NSUN7: variants seen among roughly 807,000 people sequenced by gnomAD.
The protein encoded by NSUN7 is NOP2/Sun RNA methyltransferase family member 7, also known as protein NSUN7.
NSUN7 carries 39 observed loss-of-function variants against 58.5 expected under a neutral mutation model. That is an observed-to-expected ratio of 0.67 (90% confidence interval 0.52 to 0.87). The LOEUF (loss-of-function observed/expected upper bound fraction) is 0.87, where lower values mean the gene tolerates loss of function less well. Ranked by LOEUF, NSUN7 falls within the 40% of genes least tolerant of loss-of-function variation. The probability of loss-of-function intolerance (pLI) is 0.00; values close to 1 mark genes in which losing one functional copy is unlikely to be tolerated. For synonymous variants in NSUN7, 278 were observed against 303.7 expected (o/e 0.92, Z 0.88); for missense variants, 765 against 844.1 (o/e 0.91, Z 1.16).
In NSUN7 at chr4:40,750,682, C is replaced by G; in HGVS notation, c.-12C>G. The G allele has an allele frequency of 6.2e-7, 1 of 1,610,808 alleles. No individual in the cohort carries two copies. Reference sequence around the variant, plus strand: ...CCCAGGGTGAAGGACTCACGACAGGCGAGGGGCAGACATGCTGAATTCCAC... The same window carrying G: ...CCCAGGGTGAAGGACTCACGACAGGGGAGGGGCAGACATGCTGAATTCCAC... On this transcript the variant is annotated 5_prime_UTR_variant, in exon 2 of 12. Coordinates refer to ENST00000381782, the MANE Select transcript of NSUN7 (RefSeq NM_024677.6).
At chr4:40,802,088 A>T (rs1743611917) in intron 10 of NSUN7, among the ~76,000 whole-genome samples, 1 of 152,002 alleles carries the variant, frequency 6.6e-6, no homozygotes, top group Non-Finnish European at 1.5e-5. Flanking sequence ...ATATTTAAAT[A>T]ATTGAGTTTT....
chr4:40,790,339 CTAT>C (rs1328725857), intron 7 of NSUN7, among the ~76,000 whole-genome samples: 1 of 152,150 alleles, frequency 6.6e-6, no homozygotes, highest in Non-Finnish European at 1.5e-5. Flanking sequence ...TTCTCCCCTA[CTAT>C]ATATCCTGCA....
chr4:40,790,692 G>T lies in NSUN7; in HGVS notation c.1127G>T (p.Cys376Phe). 6.2e-7 allele frequency: 1 copy of T among 1,603,372 alleles called. No homozygotes were observed. Among genetic ancestry groups the T allele is most frequent in the Non-Finnish European group, 8.5e-7 (1 of 1,175,040 alleles). ...AAAGTGATTTTGCTGCTACCTCGTTGTTCAGGACTGGGTGTTAGTAATCCA... is the reference window on the plus strand; with the variant it reads ...AAAGTGATTTTGCTGCTACCTCGTTTTTCAGGACTGGGTGTTAGTAATCCA... ...KVKVILLLPR[C>F]SGLGVSNPVE... Residue 376 changes from cysteine (C) to phenylalanine (F), a missense_variant, in exon 8 of 12, where the codon TGT (cysteine) becomes TTT (phenylalanine). Transcript: ENST00000381782.
chr4:40,763,174 G>A (rs1741540213), intron 4 of NSUN7, among the ~76,000 whole-genome samples: 1 of 152,238 alleles, frequency 6.6e-6, no homozygotes, highest in South Asian at 2.1e-4. Context: ...GCATAGTGAG[G>A]CTTGGCTGAG....
intron 7 of NSUN7, chr4:40,786,817 G>A: frequency 1.7e-6 from 2 of 1,154,872 alleles, no homozygotes; most frequent in South Asian, 3.2e-5. Flanking sequence ...CTGCCCTCCT[G>A]GATGCTATTA....
At chr4:40,792,981 C>T (rs1466280284) in intron 8 of NSUN7, among the ~76,000 whole-genome samples, 1 of 152,128 alleles carries the variant, frequency 6.6e-6, no homozygotes, top group African/African-American at 2.4e-5. Flanking sequence ...AACATTTTAA[C>T]ATCGAAAAAT....
intron 2 of NSUN7, among the ~76,000 whole-genome samples, chr4:40,760,105 A>G (rs185266698): frequency 1.8e-4 from 28 of 152,266 alleles, no homozygotes; most frequent in African/African-American, 4.8e-4. Context: ...TAAGAAAACT[A>G]TTGCTCAACA....
chr4:40,756,971 A>AT lies in NSUN7; in HGVS notation c.299-3462dup, dbSNP rs1431804530. On this transcript the variant is annotated intron_variant, in intron 2 of 11. Coordinates refer to ENST00000381782, the MANE Select transcript of NSUN7 (RefSeq NM_024677.6). ...AAGGGCCAGGCGTGGTGCCTCATGCATGTAATCCCAGCACTTTGGGAGGCC... is the reference window on the plus strand; with the variant it reads ...AAGGGCCAGGCGTGGTGCCTCATGCATTGTAATCCCAGCACTTTGGGAGGCC... Among the ~76,000 whole-genome samples the AT allele has an allele frequency of 7.2e-5, 11 of 152,266 alleles. 1 individual carries two copies.
Position 40,790,595 on chromosome 4 carries a change from TCCCCAGA to T in NSUN7, c.1037-6_1037del. 6.7e-7 allele frequency: 1 copy of T among 1,501,356 alleles called. No homozygotes were observed. The highest frequency in any genetic ancestry group is 2.0e-5 in the Admixed American group (1 of 49,640). 93.0% of individuals were successfully genotyped at this position (1,501,356 alleles called of 1,614,324 possible). Reference sequence around the variant, plus strand: ...TTTACATTAAATTTTCTGTGTTTTTTCCCCAGATATTGAAATACTTCATGAGAAATTT... The same window carrying T: ...TTTACATTAAATTTTCTGTGTTTTTTTATTGAAATACTTCATGAGAAATTT... On this transcript the variant is annotated splice_acceptor_variant and splice_polypyrimidine_tract_variant and coding_sequence_variant and intron_variant, in exon 8 of 12. Coordinates refer to ENST00000381782, the MANE Select transcript of NSUN7 (RefSeq NM_024677.6). LOFTEE classifies it high-confidence loss of function.
intron 8 of NSUN7, among the ~76,000 whole-genome samples, chr4:40,793,342 T>G (rs892784424): frequency 1.1e-4 from 17 of 152,224 alleles, no homozygotes; most frequent in African/African-American, 4.1e-4. Flanking sequence ...TTCAGGAGGC[T>G]GAGGCATGAG....
In NSUN7 at chr4:40,774,805, A is replaced by G. The variant is rs761875736; in HGVS notation, c.680A>G (p.Tyr227Cys). The change falls in exon 6 of 12, where the codon TAT (tyrosine) becomes TGT (cysteine). Residue 227 changes from tyrosine to cysteine, a missense_variant. Coordinates refer to ENST00000381782, the MANE Select transcript of NSUN7 (RefSeq NM_024677.6). ...EVYNNLKRRG[Y>C]NKVKSVLHID... ...TATAATAATTTGAAGAGAAGAGGCT[A>G]TAATAAAGTCAAATCTGTATTGCAT... 8 of 1,556,382 alleles carry G rather than the reference A, an allele frequency of 5.1e-6. No homozygotes were observed. Among genetic ancestry groups the G allele is most frequent in the African/African-American group, 1.4e-5 (1 of 73,404 alleles).
intron 8 of NSUN7, among the ~76,000 whole-genome samples, chr4:40,792,889 A>G (rs1743158098): frequency 6.6e-6 from 1 of 152,226 alleles, no homozygotes; most frequent in South Asian, 2.1e-4. Context: ...TTAGCCAGAA[A>G]CTTAGTGGGG....
At chr4:40,780,809 ATATATTTT>A (rs1560555704) in intron 7 of NSUN7, among the ~76,000 whole-genome samples, 9 of 99,422 alleles carry the variant, frequency 9.1e-5, no homozygotes, top group Non-Finnish European at 1.5e-4. Context: ...ATATATATAT[ATATATTTT>A]TTTTTTTTTT....
intron 2 of NSUN7, among the ~76,000 whole-genome samples, 181 bp from the exon 3 acceptor site, chr4:40,760,253 A>T (rs932545560): frequency 2.0e-5 from 3 of 152,254 alleles, no homozygotes; most frequent in Non-Finnish European, 4.4e-5. Context: ...AAGGTCCAGC[A>T]TTCATAAAGA....
chr4:40,767,909 G>A (rs1741811997), intron 4 of NSUN7, among the ~76,000 whole-genome samples: 1 of 152,146 alleles, frequency 6.6e-6, no homozygotes, highest in Admixed American at 6.6e-5. Context: ...CCAAGCTTAT[G>A]TTACAGTTGT....
chr4:40,797,169 C>A (rs1276786129), intron 9 of NSUN7, among the ~76,000 whole-genome samples: 1 of 152,150 alleles, frequency 6.6e-6, no homozygotes, highest in Admixed American at 6.5e-5. Flanking sequence ...TTCTCTGTCT[C>A]CCTTACTGGG....
chr4:40,775,934 T>C lies in NSUN7; in HGVS notation c.826-115T>C. 3 of 566,486 alleles carry C rather than the reference T, an allele frequency of 5.3e-6. No individual in the cohort carries two copies. Among genetic ancestry groups the C allele is most frequent in the Non-Finnish European group, 9.0e-6 (3 of 332,546 alleles). 35.1% of individuals were successfully genotyped at this position (566,486 alleles called of 1,614,324 possible). A position where few individuals can be genotyped will look rare whatever the true frequency, so the allele number is the denominator to read the frequency against. On this transcript the variant is annotated intron_variant, in intron 6 of 11. Coordinates refer to ENST00000381782, the MANE Select transcript of NSUN7 (RefSeq NM_024677.6). The surrounding 1 kb of genome is among the most constrained non-coding windows in gnomAD (Gnocchi z 4.3). Reference sequence around the variant, plus strand: ...ATATATTAAGATGTTAAAACTAAAATTGGTTAGGTCTCTAATATTACTATG... The same window carrying C: ...ATATATTAAGATGTTAAAACTAAAACTGGTTAGGTCTCTAATATTACTATG...
At chr4:40,804,469 T>C (rs1196874808) in intron 10 of NSUN7, among the ~76,000 whole-genome samples, 1 of 152,012 alleles carries the variant, frequency 6.6e-6, no homozygotes, top group Non-Finnish European at 1.5e-5. Flanking sequence ...AATGGATGCC[T>C]AGTTTTATGA....
intron 2 of NSUN7, among the ~76,000 whole-genome samples, chr4:40,759,969 C>T (rs2465554): frequency 0.012 from 1,901 of 152,204 alleles, 41 homozygotes; most frequent in African/African-American, 0.043. Context: ...ACCTGGGAGG[C>T]AGACGTTGCA....
Sources: gnomAD v4.1 joint callset for allele counts (sites outside exome capture counted in the v4.1 genomes callset) on GRCh38, gnomAD v4.1.1 for gene constraint, Gnocchi (gnomAD v3.1) non-coding constraint, MANE v1.5 for transcripts, NCBI Gene and HGNC (gene_info 2026-07-23, HGNC 2026-07-21) for gene names.